Variants in FTCDNL1 observed in about 807,000 individuals in gnomAD.
The protein encoded by FTCDNL1 is formiminotransferase N-terminal subdomain-containing protein.
A neutral mutation model predicts 5.9 loss-of-function variants in FTCDNL1; 11 were observed. That is an observed-to-expected ratio of 1.87 (90% confidence interval 1.18 to 3.10). The LOEUF (loss-of-function observed/expected upper bound fraction) is 3.10, where lower values mean the gene tolerates loss of function less well. Among genes scored for constraint, FTCDNL1 ranks in the 30% most tolerant of loss-of-function variants. FTCDNL1 has a pLI of 0.00. For synonymous variants in FTCDNL1, 58 were observed against 24.8 expected, an observed-to-expected ratio of 2.34 and a Z score of -3.99; for missense variants, 115 against 65.5, an observed-to-expected ratio of 1.76 and a Z score of -2.61.
At chr2:199,786,450 T>A (rs1425339556) in intron 3 of FTCDNL1, among the ~76,000 whole-genome samples, 1 of 152,150 alleles carries the variant, frequency 6.6e-6, no homozygotes, top group Non-Finnish European at 1.5e-5. Flanking sequence ...TTTTCCTGCC[T>A]AGCCCTTACT....
At chr2:199,838,213 G>C (rs1181561840) in intron 3 of FTCDNL1, among the ~76,000 whole-genome samples, 1 of 152,190 alleles carries the variant, frequency 6.6e-6, no homozygotes, top group African/African-American at 2.4e-5. Context: ...AAACTTGATA[G>C]AAGTACAGAA....
At chr2:199,782,434 T>C (rs943672125) in intron 3 of FTCDNL1, among the ~76,000 whole-genome samples, 1 of 152,212 alleles carries the variant, frequency 6.6e-6, no homozygotes, top group Non-Finnish European at 1.5e-5. Flanking sequence ...CCCCACTATG[T>C]TCTTTTGTGA....
chr2:199,680,825 C>T, the FTCDNL1 span, among the ~76,000 whole-genome samples: 2 of 152,160 alleles, frequency 1.3e-5, no homozygotes, highest in Admixed American at 1.3e-4. Flanking sequence ...TGTGTGATTT[C>T]CTAGACTTCT....
intron 3 of FTCDNL1, among the ~76,000 whole-genome samples, chr2:199,768,379 T>C (rs527675592): frequency 9.9e-5 from 15 of 152,278 alleles, no homozygotes; most frequent in Admixed American, 8.5e-4. Flanking sequence ...AGTAAAGAAG[T>C]CTTCTACATC....
At chr2:199,743,068 T>C in the FTCDNL1 span, among the ~76,000 whole-genome samples, 1 of 152,216 alleles carries the variant, frequency 6.6e-6, no homozygotes, top group Non-Finnish European at 1.5e-5. Flanking sequence ...GCTCCTGCTG[T>C]TTTATCCCTA....
chr2:199,702,500 T>C, the FTCDNL1 span, among the ~76,000 whole-genome samples: 1 of 152,162 alleles, frequency 6.6e-6, no homozygotes, highest in Non-Finnish European at 1.5e-5. Flanking sequence ...GCATACTCAA[T>C]AAATAGTCTC....
chr2:199,668,251 T>A, the FTCDNL1 span, among the ~76,000 whole-genome samples: 10 of 152,228 alleles, frequency 6.6e-5, no homozygotes, highest in Non-Finnish European at 1.3e-4. Flanking sequence ...TTTTTAACTT[T>A]AAAGTTTAAA....
At chr2:199,838,707 G>C (rs1702927492) in intron 3 of FTCDNL1, among the ~76,000 whole-genome samples, 1 of 151,992 alleles carries the variant, frequency 6.6e-6, no homozygotes, top group Admixed American at 6.6e-5. Flanking sequence ...AGCGGTCAGA[G>C]CCCATCCCTG....
the FTCDNL1 span, among the ~76,000 whole-genome samples, chr2:199,720,511 C>T: frequency 5.3e-5 from 8 of 152,166 alleles, no homozygotes; most frequent in African/African-American, 1.9e-4. Context: ...GTCACGATCC[C>T]TCTAAAGCAA....
the FTCDNL1 span, among the ~76,000 whole-genome samples, chr2:199,716,821 T>A: frequency 1.3e-5 from 2 of 152,134 alleles, no homozygotes. Context: ...AATTCCTGGA[T>A]AAATGTAAGT....
intron 3 of FTCDNL1, among the ~76,000 whole-genome samples, chr2:199,836,464 T>A: frequency 6.6e-6 from 1 of 151,588 alleles, no homozygotes; most frequent in Admixed American, 6.6e-5. Context: ...GAGCCACCAC[T>A]CCCAGACACT....
At chr2:199,711,372 G>C in the FTCDNL1 span, among the ~76,000 whole-genome samples, 1 of 134,594 alleles carries the variant, frequency 7.4e-6, no homozygotes, top group Non-Finnish European at 1.6e-5. Context: ...GTGAGGGGGC[G>C]GGGGGGGGAT....
chr2:199,742,667 T>A, the FTCDNL1 span, among the ~76,000 whole-genome samples: 4 of 152,336 alleles, frequency 2.6e-5, no homozygotes, highest in East Asian at 7.7e-4. Flanking sequence ...ATTATCTCCA[T>A]CTTACAGATG....
At chr2:199,685,243 C>T in the FTCDNL1 span, among the ~76,000 whole-genome samples, 1 of 152,144 alleles carries the variant, frequency 6.6e-6, no homozygotes, top group Non-Finnish European at 1.5e-5. Flanking sequence ...AAGAGACCTG[C>T]AGGCGAAGGA....
At chr2:199,767,252 T>A (rs1459114281) in intron 3 of FTCDNL1, among the ~76,000 whole-genome samples, 1 of 152,216 alleles carries the variant, frequency 6.6e-6, no homozygotes, top group Non-Finnish European at 1.5e-5. Context: ...AGTGAGCTTA[T>A]CAGTTTCAGT....
the FTCDNL1 span, among the ~76,000 whole-genome samples, chr2:199,751,111 G>GT: frequency 6.6e-6 from 1 of 152,266 alleles, no homozygotes; most frequent in Non-Finnish European, 1.5e-5. Context: ...GAAAGTGGAC[G>GT]TAACACTTAA....
the FTCDNL1 span, among the ~76,000 whole-genome samples, chr2:199,730,680 A>C: frequency 6.6e-6 from 1 of 152,226 alleles, no homozygotes; most frequent in Non-Finnish European, 1.5e-5. Context: ...AATCATTAAA[A>C]AGTCAGGAAA....
chr2:199,723,164 T>G, the FTCDNL1 span, among the ~76,000 whole-genome samples: 1 of 152,070 alleles, frequency 6.6e-6, no homozygotes, highest in Admixed American at 6.6e-5. Flanking sequence ...TCTGTGTCCA[T>G]GTGTTCTCAT....
the FTCDNL1 span, among the ~76,000 whole-genome samples, chr2:199,668,629 C>T: frequency 6.6e-6 from 1 of 152,122 alleles, no homozygotes; most frequent in East Asian, 1.9e-4. Context: ...TCTGAGACCT[C>T]CCCTTGGTTG....
Sources: allele counts gnomAD v4.1 joint callset (sites outside exome capture counted in the v4.1 genomes callset), GRCh38; gene constraint gnomAD v4.1.1; transcripts MANE v1.5; gene names NCBI Gene and HGNC (gene_info 2026-07-23, HGNC 2026-07-21).